The following DPY30 variants were observed in gnomAD, a reference collection of about 807,000 sequenced individuals.
DPY30 encodes the protein dpy-30 histone methyltransferase complex regulatory subunit.
Under a neutral mutation model 16.2 loss-of-function variants are expected in DPY30, and 6 were observed. The observed-to-expected ratio is 0.37, with a 90% confidence interval of 0.20 to 0.73. The LOEUF (loss-of-function observed/expected upper bound fraction) is 0.73, where lower values mean the gene tolerates loss of function less well. DPY30 is among the 30% of genes least tolerant of loss of function. The pLI is 0.51. For synonymous variants in DPY30, 39 were observed against 38.8 expected, an observed-to-expected ratio of 1.00 and a Z score of -0.02; for missense variants, 73 against 113.1, an observed-to-expected ratio of 0.65 and a Z score of 1.61.
chr2:32,030,264 T>C (rs181535138), intron 3 of DPY30, among the ~76,000 whole-genome samples: 1 of 152,112 alleles, frequency 6.6e-6, no homozygotes, highest in Non-Finnish European at 1.5e-5. Context: ...ATGAGAATGT[T>C]TTTCCCTTTA....
chr2:32,028,285 T>C (rs1329126853), intron 4 of DPY30, among the ~76,000 whole-genome samples: 1 of 151,974 alleles, frequency 6.6e-6, no homozygotes, highest in South Asian at 2.1e-4. Context: ...CTGGCTGAGA[T>C]GAGACATGGT....
chr2:32,038,619 C>A (rs2148673545), intron 3 of DPY30, among the ~76,000 whole-genome samples: 1 of 151,366 alleles, frequency 6.6e-6, no homozygotes, highest in East Asian at 1.9e-4. Flanking sequence ...GCTACAAAGA[C>A]CAACAGGTTT....
chr2:32,039,478 T>A lies in DPY30; in HGVS notation c.-22A>T, dbSNP rs202223186. 10 of 1,613,722 alleles carry A rather than the reference T, an allele frequency of 6.2e-6. No individual in the cohort carries two copies. In the Admixed American group the frequency reaches 1.2e-4, roughly 19 times the overall value. ...CCATGGCGGACCCTGCAAGTCACAGTCCCCGGATACCAGTCTTGGAAAACA... is the reference window on the plus strand; with the variant it reads ...CCATGGCGGACCCTGCAAGTCACAGACCCCGGATACCAGTCTTGGAAAACA... On this transcript the variant is annotated 5_prime_UTR_variant, in exon 2 of 5. Transcript: ENST00000342166.
At chr2:32,037,702 C>A (rs1217072416) in intron 3 of DPY30, among the ~76,000 whole-genome samples, 3 of 151,810 alleles carry the variant, frequency 2.0e-5, no homozygotes, top group African/African-American at 7.3e-5. Context: ...GGATTACAGG[C>A]ACTTGCCACC....
chr2:32,023,331 A>T, downstream of DPY30: 2 of 435,650 alleles, frequency 4.6e-6, no homozygotes, highest in Non-Finnish European at 9.4e-6. Flanking sequence ...TAGACCCCAA[A>T]AAGGACTGGC....
chr2:32,037,649 C>T (rs185685297), intron 3 of DPY30, among the ~76,000 whole-genome samples: 21 of 151,894 alleles, frequency 1.4e-4, no homozygotes, highest in Admixed American at 2.6e-4. Flanking sequence ...CCTCTGCCTC[C>T]GGGGTTCAAG....
At chr2:32,031,666 G>C (rs1675546855) in intron 3 of DPY30, among the ~76,000 whole-genome samples, 1 of 151,842 alleles carries the variant, frequency 6.6e-6, no homozygotes, top group Non-Finnish European at 1.5e-5. Flanking sequence ...AGGCCCAAGA[G>C]GGCGGATCAT....
downstream of DPY30, among the ~76,000 whole-genome samples, chr2:32,022,074 G>A (rs943189880): frequency 2.0e-5 from 3 of 152,140 alleles, no homozygotes; most frequent in African/African-American, 7.2e-5. Flanking sequence ...GCTGGGGACA[G>A]TGGCATGCAC....
intron 3 of DPY30, among the ~76,000 whole-genome samples, chr2:32,034,161 G>A (rs1156567324): frequency 1.3e-5 from 2 of 152,200 alleles, no homozygotes. Context: ...GTCTTCAGGT[G>A]AATACTTATC....
intron 4 of DPY30, among the ~76,000 whole-genome samples, chr2:32,025,485 G>A (rs1343309671): frequency 2.0e-5 from 3 of 151,644 alleles, no homozygotes; most frequent in Admixed American, 1.3e-4. Context: ...GTATTTGACC[G>A]GGTACGGTGG....
At chr2:32,033,516 T>C (rs1484943990) in intron 3 of DPY30, among the ~76,000 whole-genome samples, 4 of 149,710 alleles carry the variant, frequency 2.7e-5, no homozygotes, top group Non-Finnish European at 4.4e-5. Context: ...CTATTAAAAA[T>C]ACAAAACTAG....
chr2:32,026,234 C>A (rs889662096), intron 4 of DPY30, among the ~76,000 whole-genome samples: 2 of 151,624 alleles, frequency 1.3e-5, no homozygotes, highest in African/African-American at 4.8e-5. Flanking sequence ...CATAGTAAGA[C>A]CCCAACTCTT....
chr2:32,019,835 A>AAAAT (rs1553386425), downstream of DPY30, among the ~76,000 whole-genome samples: 1 of 123,050 alleles, frequency 8.1e-6, no homozygotes, highest in African/African-American at 3.4e-5. Flanking sequence ...AAAAAAAAAA[A>AAAAT]ATATATATAT....
intron 5 of DPY30, among the ~76,000 whole-genome samples, chr2:32,012,430 T>C (rs1674968161): frequency 7.9e-6 from 1 of 126,984 alleles, no homozygotes; most frequent in African/African-American, 3.0e-5. Flanking sequence ...TTTTTTTTTT[T>C]TTTTTTTTTT....
intron 4 of DPY30, among the ~76,000 whole-genome samples, chr2:32,027,659 C>CTT (rs1165062497): frequency 7.9e-6 from 1 of 126,598 alleles, no homozygotes; most frequent in African/African-American, 3.0e-5. Context: ...GAGACGGAGT[C>CTT]GCTCTGTTGC....
At chr2:32,039,202 CT>C in intron 3 of DPY30, 76 bp downstream of exon 3, 2 of 1,577,426 alleles carry the variant, frequency 1.3e-6, no homozygotes, top group Non-Finnish European at 1.7e-6. Flanking sequence ...GCATAGCCAC[CT>C]AGTAAAAGCA....
intron 3 of DPY30, among the ~76,000 whole-genome samples, chr2:32,033,172 G>A (rs1675606567): frequency 6.6e-6 from 1 of 151,718 alleles, no homozygotes; most frequent in Admixed American, 6.6e-5. Context: ...ACCAGGCATG[G>A]TGGCAGGCAC....
chr2:32,020,433 G>A (rs1675153691), downstream of DPY30, among the ~76,000 whole-genome samples: 1 of 152,064 alleles, frequency 6.6e-6, no homozygotes, highest in Non-Finnish European at 1.5e-5. Context: ...GCTCACTTGA[G>A]CTTAGGGCTT....
At chr2:32,029,833 G>C in intron 3 of DPY30, 97 bp from the exon 4 acceptor site, 1 of 1,376,336 alleles carries the variant, frequency 7.3e-7, no homozygotes, top group Non-Finnish European at 1.0e-6. Flanking sequence ...TAATAGAAAA[G>C]GCAAATCAAT....
Sources: gnomAD v4.1 joint callset for allele counts (sites outside exome capture counted in the v4.1 genomes callset) on GRCh38, gnomAD v4.1.1 for gene constraint, MANE v1.5 for transcripts, NCBI Gene and HGNC (gene_info 2026-07-23, HGNC 2026-07-21) for gene names.